SH2D4A: variants seen among roughly 807,000 people sequenced by gnomAD.
SH2D4A encodes the protein SH2 domain containing 4A.
SH2D4A carries 70 observed loss-of-function variants against 64.7 expected under a neutral mutation model. That is an observed-to-expected ratio of 1.08 (90% CI 0.89 to 1.32). The LOEUF is 1.32. Ranked by LOEUF, SH2D4A falls within the 40% of genes most tolerant of loss-of-function variation. SH2D4A has a pLI of 0.00. For missense variants in SH2D4A, 706 were observed against 540.1 expected, an observed-to-expected ratio of 1.31 and a Z score of -3.04; for synonymous variants, 268 against 200.7, an observed-to-expected ratio of 1.34 and a Z score of -2.83.
intron 6 of SH2D4A, 111 bp downstream of exon 6, chr8:19,361,425 C>G: frequency 9.1e-7 from 1 of 1,099,462 alleles, no homozygotes; most frequent in Non-Finnish European, 1.2e-6. Context: ...GAGATATGTT[C>G]ACAGTAAGTT....
chr8:19,383,346 T>C (rs1391930615), intron 8 of SH2D4A, among the ~76,000 whole-genome samples: 1 of 152,082 alleles, frequency 6.6e-6, no homozygotes, highest in Non-Finnish European at 1.5e-5. Flanking sequence ...ATTCCTCTAG[T>C]GAATTTTTCA....
chr8:19,313,699 G>A lies in SH2D4A; in HGVS notation c.-329G>A. 1 of 1,444,652 alleles carries A rather than the reference G, an allele frequency of 6.9e-7. No homozygotes were observed. The highest frequency in any genetic ancestry group is 9.3e-7 in the Non-Finnish European group (1 of 1,080,572). 89.5% of individuals were successfully genotyped at this position (1,444,652 alleles called of 1,614,324 possible). On this transcript the variant is annotated 5_prime_UTR_variant, in exon 1 of 10. Transcript: ENST00000265807. Reference sequence around the variant, plus strand: ...GTTTTGCGTCCGGGCCGGAGTATTTGCTCAGCCCGCCTGCGCCGCTTGGGA... The same window carrying A: ...GTTTTGCGTCCGGGCCGGAGTATTTACTCAGCCCGCCTGCGCCGCTTGGGA...
intron 4 of SH2D4A, among the ~76,000 whole-genome samples, chr8:19,348,385 T>C (rs2052645441): frequency 6.6e-6 from 1 of 152,180 alleles, no homozygotes; most frequent in East Asian, 1.9e-4. Flanking sequence ...TTCACTTATA[T>C]TTTTAAGTGT....
At chr8:19,346,875 C>G (rs1267072673) in intron 4 of SH2D4A, among the ~76,000 whole-genome samples, 1 of 152,154 alleles carries the variant, frequency 6.6e-6, no homozygotes, top group Admixed American at 6.5e-5. Flanking sequence ...GTATGTAGAG[C>G]AATAAAAGAT....
At chr8:19,366,460 C>G (rs902121003) in intron 7 of SH2D4A, among the ~76,000 whole-genome samples, 7 of 152,106 alleles carry the variant, frequency 4.6e-5, no homozygotes, top group South Asian at 4.2e-4. Context: ...TACCATCCCC[C>G]CTACTCTCCC....
chr8:19,392,495 A>T (rs542268192), intron 8 of SH2D4A, among the ~76,000 whole-genome samples: 5 of 152,158 alleles, frequency 3.3e-5, no homozygotes, highest in Admixed American at 1.3e-4. Flanking sequence ...ACAACCAAAG[A>T]TGTCTCTCGG....
In SH2D4A at chr8:19,394,639, G is replaced by A; in HGVS notation, c.1362G>A (p.Glu454=). The change falls in exon 10 of 10, where the codon GAG becomes GAA. Residue 454 remains glutamate, a synonymous_variant. Coordinates refer to ENST00000265807, the MANE Select transcript of SH2D4A (RefSeq NM_022071.4). ...TGCCTGACTACCTGGAGCTGTTTGA[G>A]TGACAGCCTCCATCAGGGTCATCCT... ...DQLPDYLELF[E] 2 of 1,605,678 alleles carry A rather than the reference G, an allele frequency of 1.2e-6. No individual in the cohort carries two copies. The highest frequency in any genetic ancestry group is 1.1e-5 in the South Asian group (1 of 90,074).
Position 19,394,537 on chromosome 8 carries a change from T to A in SH2D4A, c.1273-13T>A. ...TACTTACACTATCTGACCCCGTGCC[T>A]TCTGATTGACAGGAGGAACCCATCA... On this transcript the variant is annotated splice_polypyrimidine_tract_variant and intron_variant, in intron 9 of 9. Transcript: ENST00000265807. The A allele has an allele frequency of 1.3e-6, 2 of 1,595,164 alleles. No individual in the cohort carries two copies. The highest frequency in any genetic ancestry group is 2.3e-5 in the South Asian group (2 of 88,574).
chr8:19,362,461 C>T (rs1294243986), intron 6 of SH2D4A, among the ~76,000 whole-genome samples: 1 of 152,154 alleles, frequency 6.6e-6, no homozygotes, highest in African/African-American at 2.4e-5. Flanking sequence ...GTTTTTAGGC[C>T]AGGCACTGTG....
intron 5 of SH2D4A, among the ~76,000 whole-genome samples, chr8:19,360,199 C>G (rs6586826): frequency 0.23 from 34,730 of 151,878 alleles, 5,171 homozygotes; most frequent in African/African-American, 0.42. Context: ...GAATTTTACC[C>G]TAAGTTTTAA....
chr8:19,342,287 C>G (rs2052541482), intron 4 of SH2D4A, among the ~76,000 whole-genome samples: 1 of 152,200 alleles, frequency 6.6e-6, no homozygotes, highest in African/African-American at 2.4e-5. Context: ...TCAGAGTCCT[C>G]TTTGAGCTTA....
chr8:19,315,868 G>A (rs10107389), intron 1 of SH2D4A, among the ~76,000 whole-genome samples: 58,924 of 152,014 alleles, frequency 0.39, 11,861 homozygotes, highest in African/African-American at 0.51. Context: ...AGGCTCCTTC[G>A]CTTCACAGTA....
intron 4 of SH2D4A, among the ~76,000 whole-genome samples, chr8:19,347,537 G>T (rs982574344): frequency 2.0e-5 from 3 of 152,148 alleles, no homozygotes; most frequent in African/African-American, 7.2e-5. Context: ...GCTCCTCTGT[G>T]TTTCTCCGCT....
chr8:19,393,585 C>T (rs759054698), intron 9 of SH2D4A, 44 bp downstream of exon 9: 1 of 1,575,892 alleles, frequency 6.3e-7, no homozygotes, highest in East Asian at 2.2e-5. Context: ...AGTTACTGTC[C>T]TGTAGCAGCT....
chr8:19,390,361 A>C (rs2053470817), intron 8 of SH2D4A, among the ~76,000 whole-genome samples: 1 of 152,152 alleles, frequency 6.6e-6, no homozygotes, highest in Non-Finnish European at 1.5e-5. Flanking sequence ...AGCTTGAGTG[A>C]CTGTTTAAAA....
Position 19,373,642 on chromosome 8 carries a change from A to G in SH2D4A, c.1030A>G (p.Ile344Val), listed in dbSNP as rs764431881. The G allele has an allele frequency of 6.2e-7, 1 of 1,613,306 alleles. No homozygotes were observed. Among genetic ancestry groups the G allele is most frequent in the Non-Finnish European group, 8.5e-7 (1 of 1,179,568 alleles). ...RAGYQKTSDT[I>V]APWFHGILTL... ...GGGCTACCAGAAAACCTCAGACACC[A>G]TAGCCCCCTGGTTCCATGGTGAGTG... The change falls in exon 8 of 10, where the codon ATA (isoleucine) becomes GTA (valine). Residue 344 changes from isoleucine to valine, a missense_variant. Ile to Val is a conservative substitution (Grantham distance 29, BLOSUM62 3). Coordinates refer to ENST00000265807, the MANE Select transcript of SH2D4A (RefSeq NM_022071.4).
At chr8:19,327,787 C>A (rs190280186) in intron 2 of SH2D4A, among the ~76,000 whole-genome samples, 1 of 152,312 alleles carries the variant, frequency 6.6e-6, no homozygotes, top group East Asian at 1.9e-4. Context: ...AGGGAATCCT[C>A]CTTTTCCTCT....
At chr8:19,348,016 AC>A (rs2052638740) in intron 4 of SH2D4A, among the ~76,000 whole-genome samples, 1 of 152,200 alleles carries the variant, frequency 6.6e-6, no homozygotes, top group Non-Finnish European at 1.5e-5. Context: ...ACTAATGATC[AC>A]AAAAACACGC....
intron 5 of SH2D4A, 56 bp downstream of exon 5, chr8:19,357,339 T>A: frequency 4.2e-6 from 5 of 1,199,556 alleles, no homozygotes; most frequent in Non-Finnish European, 6.2e-6. Flanking sequence ...TTTCCACTAA[T>A]GTTTCACAGA....
Sources: allele counts gnomAD v4.1 joint callset (sites outside exome capture counted in the v4.1 genomes callset), GRCh38; gene constraint gnomAD v4.1.1; transcripts MANE v1.5; gene names NCBI Gene and HGNC (gene_info 2026-07-23, HGNC 2026-07-21).